The following MAP4K4 variants were observed in gnomAD, a reference collection of about 807,000 sequenced individuals.
MAP4K4 encodes HPK/GCK-like kinase HGK.
A neutral mutation model predicts 189.6 loss-of-function variants in MAP4K4; 38 were observed. The ratio of observed to expected loss-of-function variants is 0.20; its 90% CI spans 0.15 to 0.26. The LOEUF is 0.26. Among genes scored for constraint, MAP4K4 ranks in the 10% least tolerant of loss-of-function variants. The pLI, the probability that MAP4K4 is intolerant of heterozygous loss-of-function variation, is 1.00. For missense variants in MAP4K4, 1,054 were observed against 1,726.9 expected (o/e 0.61, Z 6.91); for synonymous variants, 610 against 624.3 (o/e 0.98, Z 0.34).
In MAP4K4 at chr2:101,819,676, T is replaced by C. The variant is rs185364946; in HGVS notation, c.181-4252T>C. ...TTGACTATTTCAGACCTGGGAAATA[T>C]TCTGGCAGGTGACATTGATGTGATC... On this transcript the variant is annotated intron_variant, in intron 3 of 32. Coordinates refer to ENST00000324219, the Ensembl canonical transcript of MAP4K4. Among the ~76,000 whole-genome samples the C allele has an allele frequency of 1.7e-4, 26 of 152,376 alleles. No individual in the cohort carries two copies. In the East Asian group the frequency reaches 3.7e-3, roughly 21 times the overall value.
At chr2:101,839,668 T>C in intron 9 of MAP4K4, 151 bp from the exon 10 acceptor site, 1 of 632,502 alleles carries the variant, frequency 1.6e-6, no homozygotes, top group Non-Finnish European at 2.7e-6. Context: ...CCTGAGTTCC[T>C]ATTTATGTTT....
At chr2:101,742,905 C>A (rs1293656704) in intron 2 of MAP4K4, among the ~76,000 whole-genome samples, 1 of 152,152 alleles carries the variant, frequency 6.6e-6, no homozygotes, top group African/African-American at 2.4e-5. Context: ...AAAGAGCAAA[C>A]CCATGGCTTT....
chr2:101,855,378 T>C (rs2097421040), intron 12 of MAP4K4, among the ~76,000 whole-genome samples: 1 of 152,210 alleles, frequency 6.6e-6, no homozygotes. Context: ...CTTGGGTTGT[T>C]AGGAGAATTA....
chr2:101,732,455 C>T (rs886694251), intron 2 of MAP4K4, among the ~76,000 whole-genome samples: 16 of 152,094 alleles, frequency 1.1e-4, no homozygotes, highest in African/African-American at 3.6e-4. Flanking sequence ...TCCTTCTACC[C>T]GGTTTCATTC....
chr2:101,810,748 C>CT (rs1221507830), intron 3 of MAP4K4, among the ~76,000 whole-genome samples: 1 of 152,150 alleles, frequency 6.6e-6, no homozygotes, highest in Admixed American at 6.5e-5. Context: ...ACTTACAGAA[C>CT]TTTAAGTTTT....
intron 3 of MAP4K4, among the ~76,000 whole-genome samples, chr2:101,801,435 C>T (rs886165031): frequency 6.6e-6 from 1 of 152,116 alleles, no homozygotes; most frequent in African/African-American, 2.4e-5. Flanking sequence ...CCAGCAGAGC[C>T]GTAATGGCAC....
intron 2 of MAP4K4, among the ~76,000 whole-genome samples, chr2:101,754,243 G>A (rs1421704693): frequency 6.6e-6 from 1 of 151,474 alleles, no homozygotes; most frequent in Middle Eastern, 3.2e-3. Context: ...AGTGCCACCC[G>A]ATTCTGCCAA....
intron 3 of MAP4K4, among the ~76,000 whole-genome samples, chr2:101,821,498 G>T (rs1429782768): frequency 6.6e-6 from 1 of 152,192 alleles, no homozygotes; most frequent in Non-Finnish European, 1.5e-5. Context: ...ATAGCAAGTA[G>T]TTGTGTATCT....
chr2:101,818,415 A>C (rs1242674160), intron 3 of MAP4K4, among the ~76,000 whole-genome samples: 6 of 152,024 alleles, frequency 3.9e-5, no homozygotes, highest in Non-Finnish European at 8.8e-5. Context: ...TAATTCTGTA[A>C]AGAGGGTATG....
At chr2:101,831,239 T>C (rs2096587019) in intron 6 of MAP4K4, among the ~76,000 whole-genome samples, 1 of 151,012 alleles carries the variant, frequency 6.6e-6, no homozygotes, top group African/African-American at 2.5e-5. Flanking sequence ...ATATGTGATT[T>C]AGCTTGATTT....
chr2:101,880,105 T>C (rs983942719), intron 27 of MAP4K4, among the ~76,000 whole-genome samples: 1 of 152,208 alleles, frequency 6.6e-6, no homozygotes, highest in Non-Finnish European at 1.5e-5. Context: ...TGATGAGATA[T>C]GTGTTTTGCG....
At chr2:101,839,568 T>C (rs1031541145) in intron 9 of MAP4K4, among the ~76,000 whole-genome samples, 1 of 152,222 alleles carries the variant, frequency 6.6e-6, no homozygotes, top group Admixed American at 6.5e-5. Flanking sequence ...AAATCTGACC[T>C]CCTTGTTAGC....
exon 33 of MAP4K4, chr2:101,893,444 G>A: frequency 3.2e-5 from 11 of 345,324 alleles, no homozygotes; most frequent in South Asian, 2.5e-4. Flanking sequence ...ATCGCCACAG[G>A]ACTTTAGTTA....
intron 3 of MAP4K4, among the ~76,000 whole-genome samples, chr2:101,817,371 G>C (rs2149250024): frequency 6.6e-6 from 1 of 152,228 alleles, no homozygotes; most frequent in African/African-American, 2.4e-5. Flanking sequence ...GGGTTTGTCA[G>C]ACATGTATTT....
At chr2:101,809,061 T>A (rs1178890727) in intron 3 of MAP4K4, among the ~76,000 whole-genome samples, 3 of 152,216 alleles carry the variant, frequency 2.0e-5, no homozygotes, top group Non-Finnish European at 4.4e-5. Flanking sequence ...TGTATTTATT[T>A]ATTTATTTTA....
intron 17 of MAP4K4, among the ~76,000 whole-genome samples, chr2:101,864,608 T>C (rs1481781664): frequency 6.6e-6 from 1 of 152,212 alleles, no homozygotes; most frequent in Non-Finnish European, 1.5e-5. Flanking sequence ...GTTTGGTTTC[T>C]TTGAGCTTAT....
chr2:101,741,472 G>C (rs978210887), intron 2 of MAP4K4, among the ~76,000 whole-genome samples: 1 of 152,026 alleles, frequency 6.6e-6, no homozygotes, highest in African/African-American at 2.4e-5. Context: ...CCGGCCAGTA[G>C]TAGGTGTTTT....
chr2:101,707,694 T>G (rs1251188397), intron 2 of MAP4K4, among the ~76,000 whole-genome samples: 872 of 66,630 alleles, frequency 0.013, 10 homozygotes, highest in African/African-American at 0.038. Context: ...TTTTTTTTTG[T>G]TTTTTTTTTT....
intron 3 of MAP4K4, among the ~76,000 whole-genome samples, chr2:101,818,562 T>G (rs1395022448): frequency 6.6e-6 from 1 of 152,104 alleles, no homozygotes; most frequent in Non-Finnish European, 1.5e-5. Context: ...GGGAAAAAAT[T>G]TAGGTAACAA....
Sources: allele counts gnomAD v4.1 joint callset (sites outside exome capture counted in the v4.1 genomes callset), GRCh38; gene constraint gnomAD v4.1.1; transcripts MANE v1.5; gene names NCBI Gene and HGNC (gene_info 2026-07-23, HGNC 2026-07-21).